The following FRMD4A variants were observed in gnomAD, a reference collection of about 807,000 sequenced individuals.
FRMD4A encodes FERM domain-containing protein 4A.
A neutral mutation model predicts 129.1 loss-of-function variants in FRMD4A; 29 were observed. The ratio of observed to expected loss-of-function variants is 0.22; its 90% confidence interval spans 0.17 to 0.31. The LOEUF is 0.31. Ranked by LOEUF, FRMD4A falls within the 10% of genes least tolerant of loss-of-function variation. FRMD4A has a pLI of 1.00. For missense variants in FRMD4A, 1,272 were observed against 1,375.8 expected (o/e 0.92, Z 1.19); for synonymous variants, 634 against 571.6 (o/e 1.11, Z -1.56).
At chr10:13,822,264 G>A (rs940278628) in intron 3 of FRMD4A, among the ~76,000 whole-genome samples, 1 of 152,194 alleles carries the variant, frequency 6.6e-6, no homozygotes, top group African/African-American at 2.4e-5. Flanking sequence ...TGAAGACATC[G>A]TTATTAGCTA....
intron 2 of FRMD4A, among the ~76,000 whole-genome samples, chr10:14,005,984 C>T (rs1480652070): frequency 6.6e-6 from 1 of 152,118 alleles, no homozygotes; most frequent in Non-Finnish European, 1.5e-5. Flanking sequence ...CCCTTAGAGC[C>T]GCTGATGGAA....
intron 4 of FRMD4A, among the ~76,000 whole-genome samples, chr10:13,803,507 ATT>A (rs34433221): frequency 0.016 from 2,447 of 149,674 alleles, 48 homozygotes; most frequent in African/African-American, 0.056. Flanking sequence ...AATTAAACAA[ATT>A]TTTTTTTTTG....
chr10:14,260,768 C>CT (rs1844774077), intron 2 of FRMD4A, among the ~76,000 whole-genome samples: 1 of 152,140 alleles, frequency 6.6e-6, no homozygotes, highest in African/African-American at 2.4e-5. Flanking sequence ...TTTGTTAAGG[C>CT]AAACTATTTC....
At chr10:13,837,078 C>T (rs2093888568) in intron 3 of FRMD4A, among the ~76,000 whole-genome samples, 1 of 148,858 alleles carries the variant, frequency 6.7e-6, no homozygotes, top group East Asian at 2.0e-4. Context: ...GGTTCTTAAG[C>T]AAATGTGCCC....
intron 2 of FRMD4A, among the ~76,000 whole-genome samples, chr10:13,943,766 T>C (rs1257701029): frequency 6.6e-6 from 1 of 151,844 alleles, no homozygotes; most frequent in African/African-American, 2.4e-5. Context: ...CAAATGATTT[T>C]CCTTCTGTTT....
At chr10:13,921,550 C>A (rs1241871648) in intron 2 of FRMD4A, among the ~76,000 whole-genome samples, 1 of 152,204 alleles carries the variant, frequency 6.6e-6, no homozygotes, top group Non-Finnish European at 1.5e-5. Flanking sequence ...CATGAGCCAC[C>A]ATGTCTGGGC....
chr10:14,019,116 T>G (rs1393947668), intron 2 of FRMD4A, among the ~76,000 whole-genome samples: 1 of 151,474 alleles, frequency 6.6e-6, no homozygotes, highest in Non-Finnish European at 1.5e-5. Context: ...CCCAGAATAA[T>G]AGAAAAGAGG....
chr10:14,232,044 A>G (rs1414452073), intron 2 of FRMD4A, among the ~76,000 whole-genome samples: 2 of 152,104 alleles, frequency 1.3e-5, no homozygotes, highest in African/African-American at 4.8e-5. Context: ...GTTTTCTTCT[A>G]TGATTTTTTT....
At chr10:14,040,592 C>A (rs529153849) in intron 2 of FRMD4A, among the ~76,000 whole-genome samples, 1 of 152,348 alleles carries the variant, frequency 6.6e-6, no homozygotes, top group East Asian at 1.9e-4. Context: ...GCCCCAGGGA[C>A]TTTGGCCTTA....
intron 2 of FRMD4A, among the ~76,000 whole-genome samples, chr10:14,035,211 G>A (rs564255679): frequency 2.6e-5 from 4 of 152,236 alleles, no homozygotes; most frequent in Non-Finnish European, 4.4e-5. Flanking sequence ...TCAGGAGTTT[G>A]AGACCACCCT....
intron 2 of FRMD4A, among the ~76,000 whole-genome samples, chr10:14,005,368 G>A (rs1272578776): frequency 2.6e-5 from 4 of 152,024 alleles, no homozygotes; most frequent in Admixed American, 2.0e-4. Flanking sequence ...GCACAGTGAC[G>A]GGCTCTTGGC....
chr10:13,860,247 C>T (rs1379691391), intron 2 of FRMD4A, among the ~76,000 whole-genome samples: 1 of 152,184 alleles, frequency 6.6e-6, no homozygotes, highest in Non-Finnish European at 1.5e-5. Flanking sequence ...ACAAACATAG[C>T]CTCAAGCTCA....
intron 3 of FRMD4A, among the ~76,000 whole-genome samples, chr10:13,853,283 C>T (rs532380378): frequency 6.6e-6 from 1 of 152,240 alleles, no homozygotes; most frequent in South Asian, 2.1e-4. Context: ...CTCACGCCTG[C>T]CATCTTAACA....
chr10:13,909,936 G>A (rs2094924347), intron 2 of FRMD4A, among the ~76,000 whole-genome samples: 1 of 152,084 alleles, frequency 6.6e-6, no homozygotes, highest in Non-Finnish European at 1.5e-5. Flanking sequence ...CGAGTTTGAG[G>A]TATATAAAAA....
At chr10:14,011,490 A>G (rs994711495) in intron 2 of FRMD4A, among the ~76,000 whole-genome samples, 11 of 152,148 alleles carry the variant, frequency 7.2e-5, no homozygotes, top group African/African-American at 2.7e-4. Flanking sequence ...TCCATGGTCA[A>G]GGGGAGGTGA....
intron 14 of FRMD4A, among the ~76,000 whole-genome samples, chr10:13,697,013 A>G (rs1277695667): frequency 6.6e-6 from 1 of 152,226 alleles, no homozygotes; most frequent in African/African-American, 2.4e-5. Context: ...CATTAATCAC[A>G]TGAAAAACTT....
intron 3 of FRMD4A, among the ~76,000 whole-genome samples, chr10:13,815,878 T>C (rs1341315408): frequency 1.3e-5 from 2 of 152,210 alleles, no homozygotes; most frequent in Non-Finnish European, 2.9e-5. Flanking sequence ...ACCAGAGTAA[T>C]GGATACCACC....
At chr10:14,082,764 C>A (rs1836003234) in intron 2 of FRMD4A, among the ~76,000 whole-genome samples, 1 of 152,120 alleles carries the variant, frequency 6.6e-6, no homozygotes, top group Admixed American at 6.5e-5. Context: ...TGGAGCTACC[C>A]ATGACCATGA....
chr10:13,811,228 C>T (rs1348407585), intron 3 of FRMD4A, among the ~76,000 whole-genome samples: 7 of 149,908 alleles, frequency 4.7e-5, no homozygotes, highest in Admixed American at 1.3e-4. Context: ...CTCTGCCTCC[C>T]GGGTTCAAGC....
Sources: gnomAD v4.1 joint callset for allele counts (sites outside exome capture counted in the v4.1 genomes callset) on GRCh38, gnomAD v4.1.1 for gene constraint, MANE v1.5 for transcripts, NCBI Gene and HGNC (gene_info 2026-07-23, HGNC 2026-07-21) for gene names.